ANKRD6: variants seen among roughly 807,000 people sequenced by gnomAD.
The protein encoded by ANKRD6 is ankyrin repeat domain 6.
Under a neutral mutation model 82.3 loss-of-function variants are expected in ANKRD6, and 56 were observed. The observed-to-expected ratio is 0.68, with a 90% confidence interval of 0.55 to 0.85. The LOEUF (loss-of-function observed/expected upper bound fraction) is 0.85. ANKRD6 is among the 40% of genes least tolerant of loss of function. The probability of loss-of-function intolerance (pLI) is 0.00; values close to 1 mark genes in which losing one functional copy is unlikely to be tolerated. For synonymous variants in ANKRD6, 347 were observed against 352.1 expected (o/e 0.99, Z 0.16); for missense variants, 852 against 907.6 (o/e 0.94, Z 0.79).
At chr6:89,464,194 A>G (rs1774548553) in intron 1 of ANKRD6, among the ~76,000 whole-genome samples, 1 of 152,162 alleles carries the variant, frequency 6.6e-6, no homozygotes, top group Non-Finnish European at 1.5e-5. Context: ...TTGTAACACT[A>G]GTGGTGATAT....
chr6:89,474,180 A>G (rs1775792479), intron 1 of ANKRD6, among the ~76,000 whole-genome samples: 1 of 152,218 alleles, frequency 6.6e-6, no homozygotes, highest in Non-Finnish European at 1.5e-5. Context: ...CCCTCCCAGG[A>G]TAGCCTGTGC....
At chr6:89,558,145 TAGA>T (rs2128044875) in intron 1 of ANKRD6, among the ~76,000 whole-genome samples, 1 of 152,332 alleles carries the variant, frequency 6.6e-6, no homozygotes, top group South Asian at 2.1e-4. Context: ...ACTGCTGTGT[TAGA>T]AGACAGTATA....
intron 1 of ANKRD6, among the ~76,000 whole-genome samples, chr6:89,530,444 A>G (rs1783004110): frequency 6.6e-6 from 1 of 152,028 alleles, no homozygotes; most frequent in Non-Finnish European, 1.5e-5. Flanking sequence ...AAAATGAGAC[A>G]TGCCCAAATC....
intron 1 of ANKRD6, among the ~76,000 whole-genome samples, chr6:89,504,184 C>T (rs1315321965): frequency 6.6e-6 from 1 of 151,590 alleles, no homozygotes; most frequent in Non-Finnish European, 1.5e-5. Context: ...AGGCACGGGG[C>T]TGTTCAGCAT....
intron 1 of ANKRD6, among the ~76,000 whole-genome samples, chr6:89,488,306 T>C (rs557663625): frequency 3.7e-4 from 56 of 152,336 alleles, no homozygotes; most frequent in African/African-American, 1.3e-3. Context: ...ATAATGAAGC[T>C]GGGTGTAGTG....
chr6:89,465,533 C>A (rs1774749386), intron 1 of ANKRD6, among the ~76,000 whole-genome samples: 1 of 152,008 alleles, frequency 6.6e-6, no homozygotes, highest in Non-Finnish European at 1.5e-5. Context: ...CTTGGGCAAG[C>A]TACTTAACCC....
chr6:89,564,630 G>C (rs566960297), intron 1 of ANKRD6, among the ~76,000 whole-genome samples: 1 of 152,284 alleles, frequency 6.6e-6, no homozygotes, highest in East Asian at 1.9e-4. Context: ...AGCACTGCTG[G>C]TGTGGAGCTT....
intron 1 of ANKRD6, among the ~76,000 whole-genome samples, chr6:89,555,831 A>C (rs1315643725): frequency 6.6e-6 from 1 of 152,070 alleles, no homozygotes; most frequent in Non-Finnish European, 1.5e-5. Context: ...CTGAGGTTCC[A>C]AGGAGAGGAG....
At chr6:89,467,247 A>G (rs2127781203) in intron 1 of ANKRD6, among the ~76,000 whole-genome samples, 1 of 152,272 alleles carries the variant, frequency 6.6e-6, no homozygotes, top group East Asian at 1.9e-4. Context: ...AGCTTCATTC[A>G]TGAGGTCTCT....
chr6:89,547,976 C>T lies in ANKRD6; in HGVS notation c.-143-18858C>T, dbSNP rs1785325662. ...TGACTTGCCTGTGGCATATAGCATG[C>T]AGTCAGTTGGAATGAAATCCGTGTC... is the stretch of plus-strand genomic sequence containing the variant. On this transcript the variant is annotated intron_variant, in intron 1 of 15. Transcript: ENST00000339746. Among the ~76,000 whole-genome samples, 3 of 152,254 alleles carry T rather than the reference C, an allele frequency of 2.0e-5. No individual in the cohort carries two copies. In the East Asian group the frequency reaches 5.8e-4, roughly 29 times the overall value.
intron 2 of ANKRD6, among the ~76,000 whole-genome samples, chr6:89,578,286 CTTTTTTTTTTTT>C (rs71024383): frequency 1.7e-5 from 2 of 119,098 alleles, no homozygotes; most frequent in East Asian, 2.5e-4. Context: ...CTCCCGCCTC[CTTTTTTTTTTTT>C]TTTTTTTTTT....
chr6:89,573,231 C>T (rs1790345370), intron 2 of ANKRD6, among the ~76,000 whole-genome samples: 1 of 152,194 alleles, frequency 6.6e-6, no homozygotes, highest in Non-Finnish European at 1.5e-5. Context: ...AAATGCTGCT[C>T]ACTGGTTAGC....
At chr6:89,564,506 C>T (rs1260767129) in intron 1 of ANKRD6, among the ~76,000 whole-genome samples, 1 of 152,130 alleles carries the variant, frequency 6.6e-6, no homozygotes, top group African/African-American at 2.4e-5. Context: ...GTACTTCAGT[C>T]TCAGTATCCA....
intron 1 of ANKRD6, among the ~76,000 whole-genome samples, chr6:89,468,698 C>G (rs1349686193): frequency 6.6e-6 from 1 of 151,556 alleles, no homozygotes; most frequent in Non-Finnish European, 1.5e-5. Flanking sequence ...GGGTTGGACA[C>G]CTGCGGATAG....
At chr6:89,617,732 T>C (rs1257274943) in intron 8 of ANKRD6, among the ~76,000 whole-genome samples, 1 of 152,248 alleles carries the variant, frequency 6.6e-6, no homozygotes, top group East Asian at 1.9e-4. Flanking sequence ...TGGTGTCATA[T>C]ATTTTACTTA....
intron 1 of ANKRD6, among the ~76,000 whole-genome samples, chr6:89,456,645 C>A (rs1234849900): frequency 6.6e-6 from 1 of 152,198 alleles, no homozygotes; most frequent in African/African-American, 2.4e-5. Flanking sequence ...TGAACTTGTT[C>A]TGCCCATAAC....
intron 1 of ANKRD6, among the ~76,000 whole-genome samples, chr6:89,444,985 G>A (rs1260212820): frequency 2.0e-5 from 3 of 152,052 alleles, no homozygotes; most frequent in African/African-American, 4.8e-5. Flanking sequence ...AAAAATCTAT[G>A]TAAGACTATC....
At chr6:89,448,995 A>C (rs927678352) in intron 1 of ANKRD6, among the ~76,000 whole-genome samples, 1 of 144,880 alleles carries the variant, frequency 6.9e-6, no homozygotes, top group African/African-American at 2.6e-5. Context: ...GCGCCACTGC[A>C]CTCCAACCTG....
chr6:89,447,841 C>T (rs1163467719), intron 1 of ANKRD6, among the ~76,000 whole-genome samples: 1 of 82,826 alleles, frequency 1.2e-5, no homozygotes, highest in Non-Finnish European at 2.4e-5. Flanking sequence ...GCATGTGCCA[C>T]CACGCCCAGC....
Sources: gnomAD v4.1 joint callset for allele counts (sites outside exome capture counted in the v4.1 genomes callset) on GRCh38, gnomAD v4.1.1 for gene constraint, MANE v1.5 for transcripts, NCBI Gene and HGNC (gene_info 2026-07-23, HGNC 2026-07-21) for gene names.